Variants in CSMD2 observed in about 807,000 individuals in gnomAD.
CSMD2 encodes the protein CUB and sushi domain-containing protein 2.
A neutral mutation model predicts 398.5 loss-of-function variants in CSMD2; 130 were observed. The ratio of observed to expected loss-of-function variants is 0.33; its 90% CI spans 0.28 to 0.38. The LOEUF (loss-of-function observed/expected upper bound fraction) is 0.38, where lower values mean the gene tolerates loss of function less well. Among genes scored for constraint, CSMD2 ranks in the 10% least tolerant of loss-of-function variants. The probability of loss-of-function intolerance (pLI) is 1.00; values close to 1 mark genes in which losing one functional copy is unlikely to be tolerated. For synonymous variants in CSMD2, 1,828 were observed against 1,908.5 expected, an observed-to-expected ratio of 0.96 and a Z score of 1.10; for missense variants, 3,829 against 4,764.9, an observed-to-expected ratio of 0.80 and a Z score of 5.78.
At position 33,748,570 on chromosome 1, in the gene CSMD2, T is replaced by C. The variant is rs1434112209; in HGVS notation, c.1847-4964A>G. 2.0e-5 allele frequency among the ~76,000 whole-genome samples: 3 copies of C among 152,296 alleles called. No homozygotes were observed. In the East Asian group the frequency reaches 5.8e-4, roughly 29 times the overall value. On this transcript the variant is annotated intron_variant, in intron 13 of 70. Transcript: ENST00000373381. ...AGGGGCTTGTTGAAGACCCCTCTTT[T>C]ATTATGTTTTTCTTTTGGTGTTGTC...
At chr1:33,782,089 A>G (rs1161511275) in intron 12 of CSMD2, among the ~76,000 whole-genome samples, 3 of 152,136 alleles carry the variant, frequency 2.0e-5, no homozygotes, top group Non-Finnish European at 4.4e-5. Context: ...ATGCAGCCAG[A>G]TGTGCCTAAG....
intron 5 of CSMD2, among the ~76,000 whole-genome samples, chr1:33,899,952 T>C (rs1642641174): frequency 6.6e-6 from 1 of 152,168 alleles, no homozygotes; most frequent in African/African-American, 2.4e-5. Context: ...CCTCCCTGAC[T>C]TATCAACTGC....
intron 6 of CSMD2, chr1:33,839,129 G>A (rs1383166903): frequency 6.6e-6 from 1 of 152,210 alleles, no homozygotes; most frequent in Non-Finnish European, 1.5e-5. Flanking sequence ...AATACTGAAT[G>A]AATTAGACAA....
intron 3 of CSMD2, among the ~76,000 whole-genome samples, chr1:34,016,402 G>A (rs937488663): frequency 6.6e-6 from 1 of 152,070 alleles, no homozygotes; most frequent in African/African-American, 2.4e-5. Context: ...AGAACATGCG[G>A]TGTTGGTTTT....
At chr1:33,898,768 C>T (rs1377370210) in intron 5 of CSMD2, among the ~76,000 whole-genome samples, 2 of 152,164 alleles carry the variant, frequency 1.3e-5, no homozygotes, top group East Asian at 3.9e-4. Flanking sequence ...GGAAGCTTGG[C>T]AACTGTGAAG....
chr1:34,072,453 A>C (rs1252181352), intron 2 of CSMD2, among the ~76,000 whole-genome samples: 1 of 152,164 alleles, frequency 6.6e-6, no homozygotes, highest in Non-Finnish European at 1.5e-5. Flanking sequence ...TCTCAGCAAC[A>C]GTGCTGTCAG....
At chr1:33,933,717 G>A (rs1450217429) in intron 4 of CSMD2, among the ~76,000 whole-genome samples, 1 of 152,136 alleles carries the variant, frequency 6.6e-6, no homozygotes, top group Non-Finnish European at 1.5e-5. Context: ...GGTCTCACCT[G>A]ATTGGTTTGG....
intron 15 of CSMD2, among the ~76,000 whole-genome samples, chr1:33,730,762 T>A (rs1646692120): frequency 1.3e-5 from 2 of 151,676 alleles, no homozygotes; most frequent in Admixed American, 1.3e-4. Flanking sequence ...TCAGCAAGAG[T>A]GAAAGGAGAT....
Position 33,559,486 on chromosome 1 carries a change from C to T in CSMD2, c.8381-13G>A. 1.3e-6 allele frequency: 2 copies of T among 1,535,896 alleles called. No homozygotes were observed. The highest frequency in any genetic ancestry group is 1.7e-6 in the Non-Finnish European group (2 of 1,146,694). On this transcript the variant is annotated splice_polypyrimidine_tract_variant and intron_variant, in intron 53 of 70. Transcript: ENST00000373381. The surrounding 1 kb of genome is among the most constrained non-coding windows in gnomAD (Gnocchi z 4.0). ...CCACAGGTAATTGCTGTAACCAAAA[C>T]AGAAGATAGGTAAGCCCTCCTACTA...
At chr1:34,125,561 A>C (rs1662658795) in intron 1 of CSMD2, among the ~76,000 whole-genome samples, 1 of 148,546 alleles carries the variant, frequency 6.7e-6, no homozygotes, top group Non-Finnish European at 1.5e-5. Context: ...GTTGGCAGCA[A>C]TTTGGCAGGC....
intron 62 of CSMD2, among the ~76,000 whole-genome samples, chr1:33,534,984 T>C (rs1655629460): frequency 6.6e-6 from 1 of 152,182 alleles, no homozygotes; most frequent in Non-Finnish European, 1.5e-5. Context: ...AACTCCCTGA[T>C]ATTCATTCTC....
In CSMD2 at chr1:34,103,314, T is replaced by TTTTTTC. The variant is rs1553316154; in HGVS notation, c.188-14122_188-14121insGAAAAA. 4.4e-4 allele frequency among the ~76,000 whole-genome samples: 50 copies of TTTTTTC among 114,708 alleles called. 10 individuals are homozygous for TTTTTTC. The highest frequency in any genetic ancestry group is 7.0e-4 in the Admixed American group (6 of 8,570). The allele number at this position is 114,708 out of a possible 152,430, so 75.3% of individuals were successfully genotyped here. A position where few individuals can be genotyped will look rare whatever the true frequency, so the allele number is the denominator to read the frequency against. ...CTTTTTTTTTTTTTTTTTTTTTCTT[T>TTTTTTC]CTGAGCCAGATTCTCGCTCTGTCAA... On this transcript the variant is annotated intron_variant, in intron 1 of 70. Transcript: ENST00000373381.
chr1:34,068,376 T>A (rs1329362102), intron 2 of CSMD2, among the ~76,000 whole-genome samples: 3 of 152,206 alleles, frequency 2.0e-5, no homozygotes, highest in African/African-American at 7.2e-5. Flanking sequence ...AAACATGCAT[T>A]CTTATTATAA....
intron 25 of CSMD2, among the ~76,000 whole-genome samples, chr1:33,665,072 T>C (rs1644264381): frequency 6.6e-6 from 1 of 152,220 alleles, no homozygotes. Context: ...AGGTTGGGTA[T>C]CTCTGCACAT....
intron 10 of CSMD2, among the ~76,000 whole-genome samples, chr1:33,803,433 A>T (rs1248504477): frequency 3.3e-5 from 5 of 152,038 alleles, no homozygotes; most frequent in Non-Finnish European, 5.9e-5. Context: ...TTCTCTCCTG[A>T]CCCCTGCAAA....
intron 13 of CSMD2, among the ~76,000 whole-genome samples, chr1:33,750,438 A>G (rs1227196929): frequency 6.6e-6 from 1 of 152,210 alleles, no homozygotes; most frequent in Non-Finnish European, 1.5e-5. Flanking sequence ...TCCAAATGTT[A>G]AATTAATCTG....
intron 6 of CSMD2, among the ~76,000 whole-genome samples, chr1:33,844,199 G>A (rs925880651): frequency 6.6e-6 from 1 of 152,200 alleles, no homozygotes. Flanking sequence ...TTCCTTCAGA[G>A]TAGTAGTTGT....
At chr1:34,099,670 C>A (rs1156310829) in intron 1 of CSMD2, among the ~76,000 whole-genome samples, 4 of 152,172 alleles carry the variant, frequency 2.6e-5, no homozygotes, top group Non-Finnish European at 5.9e-5. Flanking sequence ...CGGAGAGGAT[C>A]CAGAGGGCAG....
At chr1:34,012,369 C>T (rs900126634) in intron 3 of CSMD2, among the ~76,000 whole-genome samples, 3 of 152,198 alleles carry the variant, frequency 2.0e-5, no homozygotes, top group African/African-American at 7.2e-5. Flanking sequence ...CCAGATCCGT[C>T]TTATCCTCCT....
Sources: allele counts gnomAD v4.1 joint callset (sites outside exome capture counted in the v4.1 genomes callset), GRCh38; gene constraint gnomAD v4.1.1; non-coding constraint Gnocchi (gnomAD v3.1); transcripts MANE v1.5; gene names NCBI Gene and HGNC (gene_info 2026-07-23, HGNC 2026-07-21).